Variants in PLOD1 observed in about 807,000 individuals in gnomAD.
The protein encoded by PLOD1 is lysine hydroxylase.
A neutral mutation model predicts 94.7 loss-of-function variants in PLOD1; 70 were observed. The observed-to-expected ratio is 0.74, with a 90% CI of 0.61 to 0.90. PLOD1 has a LOEUF of 0.90. Ranked by LOEUF, PLOD1 falls within the 40% of genes least tolerant of loss-of-function variation. PLOD1 has a pLI of 0.00. For missense variants in PLOD1, 905 were observed against 972.7 expected, an observed-to-expected ratio of 0.93 and a Z score of 0.93; for synonymous variants, 417 against 400.2, an observed-to-expected ratio of 1.04 and a Z score of -0.50.
chr1:11,947,448 T>G (rs372139013), intron 1 of PLOD1, among the ~76,000 whole-genome samples: 2 of 151,866 alleles, frequency 1.3e-5, no homozygotes, highest in African/African-American at 2.4e-5. Context: ...CACCCGCCTG[T>G]AGTCCCAGCT....
At chr1:11,944,145 A>G (rs925782885) in intron 1 of PLOD1, among the ~76,000 whole-genome samples, 5 of 152,088 alleles carry the variant, frequency 3.3e-5, no homozygotes, top group Admixed American at 1.3e-4. Flanking sequence ...AGGCATGAGA[A>G]TCGCTTGAAC....
intron 6 of PLOD1, 70 bp downstream of exon 6, chr1:11,954,963 G>A (rs1030644998): frequency 8.2e-7 from 1 of 1,221,750 alleles, no homozygotes. Flanking sequence ...CAGGGCCCGA[G>A]CCCAGGGAGG....
rs567750644 is a variant in PLOD1 at position 11,956,094 on chromosome 1, G to A, written c.644-823G>A. Reference sequence around the variant, plus strand: ...CCATTTTCCTATGTGCAGACTAATAGGGTCAAACATGGGTATTGGGGGCCA... The same window carrying A: ...CCATTTTCCTATGTGCAGACTAATAAGGTCAAACATGGGTATTGGGGGCCA... On this transcript the variant is annotated intron_variant, in intron 6 of 18. Transcript: ENST00000196061. Among the ~76,000 whole-genome samples, 8 of 151,490 alleles carry A rather than the reference G, an allele frequency of 5.3e-5. No homozygotes were observed. The South Asian group carries it at 1.7e-3, about 32-fold the overall frequency.
At chr1:11,939,108 A>G (rs189080711) in intron 1 of PLOD1, among the ~76,000 whole-genome samples, 3,896 of 145,200 alleles carry the variant, frequency 0.027, 164 homozygotes, top group African/African-American at 0.11. Context: ...CCGTGGTGAG[A>G]GAAGGACAGC....
At position 11,957,916 on chromosome 1, in the gene PLOD1, A is replaced by T; in HGVS notation, c.816A>T (p.Glu272Asp). The T allele has an allele frequency of 1.2e-6, 2 of 1,613,654 alleles. No individual in the cohort carries two copies. The highest frequency in any genetic ancestry group is 2.2e-5 in the South Asian group (2 of 91,074). The change falls in exon 8 of 19, where the codon GAA becomes GAT. Residue 272 changes from glutamate to aspartate, a missense_variant. By Grantham distance (45) the Glu-to-Asp change is conservative. Transcript: ENST00000196061. The surrounding 1 kb of genome is among the most constrained non-coding windows in gnomAD (Gnocchi z 4.1). ...TFETGCTVCD[E>D]GLRSLKGIGD... ...AAACAGGCTGCACCGTGTGTGACGA[A>T]GGCTTGCGCAGCCTCAAGGGCATTG...
chr1:11,964,352 G>A, intron 12 of PLOD1, 52 bp downstream of exon 12: 2 of 1,571,494 alleles, frequency 1.3e-6, no homozygotes, highest in Non-Finnish European at 1.7e-6. Flanking sequence ...TCTGGCTTCT[G>A]CCTGGGCTTG....
intron 1 of PLOD1, chr1:11,944,459 T>C (rs61776488): frequency 1.6e-4 from 140 of 887,362 alleles, no homozygotes; most frequent in Non-Finnish European, 2.1e-4. Flanking sequence ...ACACACTCAC[T>C]CACATGCTCT....
At chr1:11,969,576 C>G (rs1377626005) in intron 16 of PLOD1, among the ~76,000 whole-genome samples, 2 of 152,184 alleles carry the variant, frequency 1.3e-5, no homozygotes, top group African/African-American at 4.8e-5. Context: ...GTTTTCAGTG[C>G]TCTGTAACAA....
intron 1 of PLOD1, among the ~76,000 whole-genome samples, chr1:11,937,270 C>T (rs922395957): frequency 7.2e-5 from 11 of 152,190 alleles, no homozygotes; most frequent in East Asian, 3.8e-4. Context: ...CTGCAAGACC[C>T]GGTGATACTA....
rs534656655 is a variant in PLOD1, at chr1:11,957,662, CT to C, written c.742-179del. On this transcript the variant is annotated intron_variant, in intron 7 of 18. Coordinates refer to ENST00000196061, the MANE Select transcript of PLOD1 (RefSeq NM_000302.4). This position sits in a 1 kb window ranked among gnomAD's most constrained non-coding sequence, Gnocchi z 4.1. The stretch of plus-strand genomic sequence containing the variant: ...AAGCACTAGAGTGCCAAGCCCTCCC[CT>C]GCCCTCTCTCAGAGCGGCTTGGTGA... Among the ~76,000 whole-genome samples the C allele has an allele frequency of 2.4e-4, 36 of 152,322 alleles. 1 individual carries two copies. In the South Asian group the frequency reaches 6.6e-3, roughly 28 times the overall value.
Position 11,957,268 on chromosome 1 carries a change from G to A in PLOD1, c.741+254G>A. On this transcript the variant is annotated intron_variant, in intron 7 of 18. Coordinates refer to ENST00000196061, the MANE Select transcript of PLOD1 (RefSeq NM_000302.4). This position sits in a 1 kb window ranked among gnomAD's most constrained non-coding sequence, Gnocchi z 4.1. ...TGCCATCCCCTTCCAGGCCTAGGCT[G>A]GGCTACCAGAGCCATCTGCACTGTC... 1 of 699,244 alleles carries A rather than the reference G, an allele frequency of 1.4e-6. No individual in the cohort carries two copies. Among genetic ancestry groups the A allele is most frequent in the Non-Finnish European group, 2.7e-6 (1 of 371,202 alleles). The allele number at this position is 699,244 out of a possible 1,614,324, so 43.3% of individuals were successfully genotyped here. A position where few individuals can be genotyped will look rare whatever the true frequency, so the allele number is the denominator to read the frequency against.
In PLOD1 at chr1:11,963,620, C is replaced by T. The variant is rs1470870564; in HGVS notation, c.1186C>T (p.Leu396=). ...ALTEPNSLRL[L]IQQNKNVIAP... is the part of the protein sequence containing the mutation. ...GACCGAGCCCAACAGCCTGCGGCTG[C>T]TGATCCAACAGAACAAGTGAGGCTG... The change falls in exon 11 of 19, where the codon CTG becomes TTG. Residue 396 remains leucine, a synonymous_variant. Transcript: ENST00000196061. The surrounding 1 kb of genome is among the most constrained non-coding windows in gnomAD (Gnocchi z 4.3). 6.3e-7 allele frequency: 1 copy of T among 1,595,438 alleles called. No individual in the cohort carries two copies. The highest frequency in any genetic ancestry group is 8.5e-7 in the Non-Finnish European group (1 of 1,171,292).
At chr1:11,968,108 C>T (rs1569731454) in intron 16 of PLOD1, among the ~76,000 whole-genome samples, 1 of 151,878 alleles carries the variant, frequency 6.6e-6, no homozygotes, top group African/African-American at 2.4e-5. Context: ...CGTGTGCCAC[C>T]ATCCCTGGCT....
rs538823621 is a variant in PLOD1, at chr1:11,957,089, G to A, written c.741+75G>A. On this transcript the variant is annotated intron_variant, in intron 7 of 18. Coordinates refer to ENST00000196061, the MANE Select transcript of PLOD1 (RefSeq NM_000302.4). This position sits in a 1 kb window ranked among gnomAD's most constrained non-coding sequence, Gnocchi z 4.1. ...ATTTCATTCTCACTGTGACCCCACA[G>A]TGTCTCCCTGGGGCCAGGGCCACCT... The A allele has an allele frequency of 3.0e-6, 3 of 1,007,656 alleles. No individual in the cohort carries two copies. Among genetic ancestry groups the A allele is most frequent in the East Asian group, 2.4e-5 (1 of 42,136 alleles). 62.4% of individuals were successfully genotyped at this position (1,007,656 alleles called of 1,614,324 possible).
chr1:11,958,252 C>T lies in PLOD1; in HGVS notation c.844-264C>T, dbSNP rs1299643291. 6.6e-6 allele frequency among the ~76,000 whole-genome samples: 1 copy of T among 152,100 alleles called. No individual in the cohort carries two copies. The highest frequency in any genetic ancestry group is 1.9e-4 in the East Asian group (1 of 5,188). Reference sequence around the variant, plus strand: ...CATTTATGACTCACCTCGAACACCACGCCAGCCACGATCTCCTGACAGCAG... The same window carrying T: ...CATTTATGACTCACCTCGAACACCATGCCAGCCACGATCTCCTGACAGCAG... On this transcript the variant is annotated intron_variant, in intron 8 of 18. Coordinates refer to ENST00000196061, the MANE Select transcript of PLOD1 (RefSeq NM_000302.4). The surrounding 1 kb of genome is among the most constrained non-coding windows in gnomAD (Gnocchi z 4.3).
chr1:11,945,559 G>A (rs2100739665), intron 1 of PLOD1, among the ~76,000 whole-genome samples: 1 of 152,266 alleles, frequency 6.6e-6, no homozygotes, highest in East Asian at 1.9e-4. Flanking sequence ...GAGGAACCCA[G>A]CAAGGAGAGA....
chr1:11,941,932 C>T (rs1360350497), intron 1 of PLOD1, among the ~76,000 whole-genome samples: 1 of 151,844 alleles, frequency 6.6e-6, no homozygotes, highest in Admixed American at 6.6e-5. Context: ...GATCTGTCCA[C>T]CTTGGCCTCC....
intron 4 of PLOD1, among the ~76,000 whole-genome samples, chr1:11,950,759 C>T (rs1423665968): frequency 6.6e-6 from 1 of 152,084 alleles, no homozygotes; most frequent in Non-Finnish European, 1.5e-5. Flanking sequence ...CCTCCCTTGC[C>T]CTCCTCCACC....
chr1:11,937,224 G>C (rs969054925), intron 1 of PLOD1, among the ~76,000 whole-genome samples: 3 of 152,220 alleles, frequency 2.0e-5, no homozygotes, highest in Non-Finnish European at 4.4e-5. Context: ...GGTAAAGCCG[G>C]CGGTGCTTGC....
Sources: gnomAD v4.1 joint callset for allele counts (sites outside exome capture counted in the v4.1 genomes callset) on GRCh38, gnomAD v4.1.1 for gene constraint, Gnocchi (gnomAD v3.1) non-coding constraint, MANE v1.5 for transcripts, NCBI Gene and HGNC (gene_info 2026-07-23, HGNC 2026-07-21) for gene names.